Variants in LYST observed in about 807,000 individuals in gnomAD.
LYST encodes lysosomal-trafficking regulator.
Under a neutral mutation model 413.6 loss-of-function variants are expected in LYST, and 192 were observed. That is an observed-to-expected ratio of 0.46 (90% confidence interval 0.41 to 0.52). The LOEUF is 0.52. Ranked by LOEUF, LYST falls within the 20% of genes least tolerant of loss-of-function variation. The pLI, the probability that LYST is intolerant of heterozygous loss-of-function variation, is 0.00. For synonymous variants in LYST, 1,525 were observed against 1,567.3 expected, an observed-to-expected ratio of 0.97 and a Z score of 0.64; for missense variants, 3,815 against 4,499.9, an observed-to-expected ratio of 0.85 and a Z score of 4.35.
intron 47 of LYST, 133 bp from the exon 48 acceptor site, chr1:235,687,180 T>G: frequency 7.3e-6 from 5 of 683,130 alleles, no homozygotes; most frequent in Non-Finnish European, 1.3e-5. Context: ...TCAAAAATGT[T>G]AGGTAAACAT....
At chr1:235,759,718 T>C (rs1667397610) in intron 22 of LYST, 119 bp from the exon 23 acceptor site, 2 of 735,236 alleles carry the variant, frequency 2.7e-6, no homozygotes, top group Non-Finnish European at 4.6e-6. Context: ...TTAAAATCCA[T>C]ATAGGTTAAT....
intron 50 of LYST, among the ~76,000 whole-genome samples, chr1:235,668,218 T>A (rs1414143761): frequency 6.6e-6 from 1 of 150,976 alleles, no homozygotes; most frequent in African/African-American, 2.5e-5. Flanking sequence ...ATATATATAT[T>A]TTAATTTTAA....
rs1186500323 is a variant in LYST at position 235,734,409 on chromosome 1, T to TA, written c.8535+73dup. On this transcript the variant is annotated intron_variant, in intron 32 of 52. Coordinates refer to ENST00000389793, the MANE Select transcript of LYST (RefSeq NM_000081.4). ...TTCATCATCAATGATAGCCTGTTCT[T>TA]AAAAAAGTAGTGTCAATCATTCTTT... 10 of 1,193,240 alleles carry TA rather than the reference T, an allele frequency of 8.4e-6. No homozygotes were observed. The East Asian group carries it at 1.2e-4, about 14-fold the overall frequency. The allele number at this position is 1,193,240 out of a possible 1,614,324, so 73.9% of individuals were successfully genotyped here. A position where few individuals can be genotyped will look rare whatever the true frequency, so the allele number is the denominator to read the frequency against.
intron 28 of LYST, 147 bp downstream of exon 28, chr1:235,751,063 A>T: frequency 1.3e-6 from 1 of 747,586 alleles, no homozygotes; most frequent in Non-Finnish European, 2.3e-6. Flanking sequence ...ACTAAAAGTA[A>T]GGAGCAGAAT....
chr1:235,697,409 AT>A (rs201504222), intron 45 of LYST, 137 bp from the exon 46 acceptor site: 1,188 of 633,458 alleles, frequency 1.9e-3, no homozygotes, highest in South Asian at 2.9e-3. Context: ...TATTTTACGC[AT>A]TTTTTTTTAC....
intron 39 of LYST, among the ~76,000 whole-genome samples, chr1:235,723,648 A>C (rs1663592482): frequency 6.6e-6 from 1 of 152,220 alleles, no homozygotes; most frequent in South Asian, 2.1e-4. Context: ...GAGAGTGGTG[A>C]GAAGTCTGTC....
intron 31 of LYST, among the ~76,000 whole-genome samples, chr1:235,739,456 T>C (rs1361208272): frequency 1.3e-5 from 2 of 152,230 alleles, no homozygotes; most frequent in Non-Finnish European, 2.9e-5. Flanking sequence ...ATTGCATGTA[T>C]GGTGCATAAT....
At chr1:235,799,072 A>T (rs1356754008) in intron 10 of LYST, among the ~76,000 whole-genome samples, 1 of 152,228 alleles carries the variant, frequency 6.6e-6, no homozygotes, top group African/African-American at 2.4e-5. Context: ...ACACATATTC[A>T]GATCACAAGG....
Position 235,830,184 on chromosome 1 carries a change from T to C in LYST, c.192+42A>G, listed in dbSNP as rs748522992. On this transcript the variant is annotated intron_variant, in intron 3 of 52. Transcript: ENST00000389793. ...AAAACCATGTAGCTACAGTTAACTA[T>C]CATATATTGATGAAAGTAAGTATTT... 18 of 1,430,728 alleles carry C rather than the reference T, an allele frequency of 1.3e-5. No homozygotes were observed. The South Asian group carries it at 2.1e-4, about 16-fold the overall frequency. 88.6% of individuals were successfully genotyped at this position (1,430,728 alleles called of 1,614,324 possible). A position where few individuals can be genotyped will look rare whatever the true frequency, so the allele number is the denominator to read the frequency against.
chr1:235,701,888 G>T (rs1661580873), intron 45 of LYST, among the ~76,000 whole-genome samples: 1 of 152,188 alleles, frequency 6.6e-6, no homozygotes, highest in Non-Finnish European at 1.5e-5. Flanking sequence ...TGAGCTATGA[G>T]CGCAAATAAT....
chr1:235,712,961 T>C (rs1310224983), intron 42 of LYST: 1 of 985,308 alleles, frequency 1.0e-6, no homozygotes, highest in Non-Finnish European at 1.2e-6. Flanking sequence ...GCAGTTTACA[T>C]GTTTCTTAGG....
At chr1:235,798,216 T>C (rs1671769756) in intron 10 of LYST, among the ~76,000 whole-genome samples, 1 of 152,114 alleles carries the variant, frequency 6.6e-6, no homozygotes, top group African/African-American at 2.4e-5. Flanking sequence ...GACAACTAAC[T>C]ATTATGTAGT....
chr1:235,683,680 GT>G (rs1660003648), intron 48 of LYST, among the ~76,000 whole-genome samples: 1 of 152,200 alleles, frequency 6.6e-6, no homozygotes, highest in African/African-American at 2.4e-5. Flanking sequence ...GTGGCACTTG[GT>G]TGGGGGGCCC....
intron 45 of LYST, among the ~76,000 whole-genome samples, chr1:235,698,364 A>G (rs1661264992): frequency 6.6e-6 from 1 of 152,234 alleles, no homozygotes; most frequent in South Asian, 2.1e-4. Context: ...CCACTTTAGG[A>G]GCTCTAATAA....
At chr1:235,685,900 G>A (rs1660187617) in intron 48 of LYST, among the ~76,000 whole-genome samples, 1 of 151,604 alleles carries the variant, frequency 6.6e-6, no homozygotes, top group Non-Finnish European at 1.5e-5. Flanking sequence ...GAACCTGGGA[G>A]TCACCCTATG....
intron 48 of LYST, among the ~76,000 whole-genome samples, chr1:235,678,989 AGCT>A (rs1659602588): frequency 6.6e-6 from 1 of 152,188 alleles, no homozygotes; most frequent in South Asian, 2.1e-4. Context: ...TATCTATCTT[AGCT>A]GCTATGTAGT....
chr1:235,716,290 T>C (rs1662830555), intron 41 of LYST, among the ~76,000 whole-genome samples: 1 of 152,234 alleles, frequency 6.6e-6, no homozygotes, highest in African/African-American at 2.4e-5. Flanking sequence ...AATGTTAAAA[T>C]CTGATAAATT....
chr1:235,826,963 G>A (rs922042047), intron 3 of LYST, among the ~76,000 whole-genome samples: 2 of 152,076 alleles, frequency 1.3e-5, no homozygotes, highest in Non-Finnish European at 2.9e-5. Flanking sequence ...GACTACTGAT[G>A]TGAGGTGTAT....
rs202198898 is a variant in LYST, at chr1:235,872,296, A to G, written n.454+10891T>C. Among the ~76,000 whole-genome samples, 12 of 10,908 alleles carry G rather than the reference A, an allele frequency of 1.1e-3. No individual in the cohort carries two copies. In the East Asian group the frequency reaches 0.037, roughly 34 times the overall value. The allele number at this position is 10,908 out of a possible 152,430, so 7.2% of individuals were successfully genotyped here. A position where few individuals can be genotyped will look rare whatever the true frequency, so the allele number is the denominator to read the frequency against. ...AGGCAACGGAGTGACATTCTGTCTC[A>G]AAAAAAAAAAAAAAAAAAAAAAAGT... On this transcript the variant is annotated intron_variant and non_coding_transcript_variant, in intron 1 of 11. Transcript: ENST00000465349.
Sources: gnomAD v4.1 joint callset for allele counts (sites outside exome capture counted in the v4.1 genomes callset) on GRCh38, gnomAD v4.1.1 for gene constraint, MANE v1.5 for transcripts, NCBI Gene and HGNC (gene_info 2026-07-23, HGNC 2026-07-21) for gene names.